GPC5: variants seen among roughly 807,000 people sequenced by gnomAD.
The protein encoded by GPC5 is glypican-5.
In GPC5, 47 loss-of-function variants were observed where a neutral mutation model predicts 53.9. The observed-to-expected ratio is 0.87, with a 90% CI of 0.69 to 1.11. The LOEUF is 1.11. Ranked by LOEUF, GPC5 falls within the 50% of genes most tolerant of loss-of-function variation. The pLI is 0.00. For synonymous variants in GPC5, 286 were observed against 263.3 expected, an observed-to-expected ratio of 1.09 and a Z score of -0.84; for missense variants, 748 against 713.1, an observed-to-expected ratio of 1.05 and a Z score of -0.56.
chr13:92,070,012 C>G (rs1215616834), intron 6 of GPC5, among the ~76,000 whole-genome samples: 1 of 152,144 alleles, frequency 6.6e-6, no homozygotes, highest in Non-Finnish European at 1.5e-5. Flanking sequence ...TGAGCCCAAT[C>G]TAATCACTAT....
At chr13:92,723,806 G>A (rs1423371679) in intron 7 of GPC5, among the ~76,000 whole-genome samples, 2 of 151,432 alleles carry the variant, frequency 1.3e-5, no homozygotes, top group African/African-American at 4.8e-5. Flanking sequence ...TAGGTCTTGA[G>A]GTCAGAATGC....
At chr13:92,612,637 A>T (rs926583261) in intron 7 of GPC5, among the ~76,000 whole-genome samples, 5 of 152,094 alleles carry the variant, frequency 3.3e-5, no homozygotes, top group Admixed American at 2.0e-4. Flanking sequence ...CAGGACTCTT[A>T]TGTTGTTCTC....
intron 5 of GPC5, among the ~76,000 whole-genome samples, chr13:91,836,497 T>C (rs755613373): frequency 3.9e-5 from 6 of 152,046 alleles, no homozygotes; most frequent in Non-Finnish European, 7.4e-5. Flanking sequence ...TGTTAATATT[T>C]CAATTATGAA....
intron 7 of GPC5, among the ~76,000 whole-genome samples, chr13:92,386,164 G>A (rs1030086110): frequency 5.3e-5 from 8 of 151,980 alleles, no homozygotes; most frequent in African/African-American, 1.7e-4. Context: ...CTGTAAAAAG[G>A]TATAGCATCC....
At chr13:92,179,430 A>C (rs1391769450) in intron 7 of GPC5, among the ~76,000 whole-genome samples, 1 of 152,190 alleles carries the variant, frequency 6.6e-6, no homozygotes, top group African/African-American at 2.4e-5. Flanking sequence ...GAGCTTACTC[A>C]TGAATTGTGT....
intron 7 of GPC5, among the ~76,000 whole-genome samples, chr13:92,521,510 A>G (rs1274265887): frequency 6.6e-6 from 1 of 152,228 alleles, no homozygotes; most frequent in Non-Finnish European, 1.5e-5. Flanking sequence ...AAACCTGACA[A>G]AAACAAGAAA....
At chr13:91,977,020 C>G (rs984714464) in intron 6 of GPC5, among the ~76,000 whole-genome samples, 3 of 150,034 alleles carry the variant, frequency 2.0e-5, no homozygotes, top group African/African-American at 4.9e-5. Flanking sequence ...GCCTGGATGA[C>G]AGAGCAAGAT....
rs553253466 is a variant in GPC5 at position 92,068,659 on chromosome 13, G to A, written c.1402-76171G>A. 4.0e-5 allele frequency among the ~76,000 whole-genome samples: 6 copies of A among 150,884 alleles called. No individual in the cohort carries two copies. In the South Asian group the frequency reaches 1.3e-3, roughly 31 times the overall value. Reference sequence around the variant, plus strand: ...AAATATTCCATTCTATTCCTAGTTTGCATATTAAAAAATATTTTCTGTATC... The same window carrying A: ...AAATATTCCATTCTATTCCTAGTTTACATATTAAAAAATATTTTCTGTATC... On this transcript the variant is annotated intron_variant, in intron 6 of 7. Coordinates refer to ENST00000377067, the MANE Select transcript of GPC5 (RefSeq NM_004466.6).
intron 7 of GPC5, among the ~76,000 whole-genome samples, chr13:92,850,540 A>T (rs1350418933): frequency 6.6e-6 from 1 of 152,196 alleles, no homozygotes; most frequent in Non-Finnish European, 1.5e-5. Context: ...TGGAGGCTGT[A>T]GTAAGCCGAT....
At chr13:92,189,891 T>C (rs779191256) in intron 7 of GPC5, among the ~76,000 whole-genome samples, 1 of 152,046 alleles carries the variant, frequency 6.6e-6, no homozygotes, top group Non-Finnish European at 1.5e-5. Context: ...CAACAGACAC[T>C]TCCAAAACTG....
At chr13:92,403,779 CA>C (rs1875667099) in intron 7 of GPC5, among the ~76,000 whole-genome samples, 1 of 152,122 alleles carries the variant, frequency 6.6e-6, no homozygotes, top group South Asian at 2.1e-4. Context: ...AGGTGTAATA[CA>C]AATGCTAATA....
intron 7 of GPC5, among the ~76,000 whole-genome samples, chr13:92,594,958 A>C (rs1326452091): frequency 1.3e-5 from 2 of 152,210 alleles, no homozygotes; most frequent in African/African-American, 4.8e-5. Context: ...TGTTTATGTG[A>C]AAACATATGG....
rs1388613570 is a variant in GPC5 at position 91,446,614 on chromosome 13, C to T, written c.164-2147C>T. Among the ~76,000 whole-genome samples, 5 of 152,116 alleles carry T rather than the reference C, an allele frequency of 3.3e-5. No homozygotes were observed. In the East Asian group the frequency reaches 9.6e-4, roughly 29 times the overall value. ...TTTCTTATGATGCCTGTTCTATTTA[C>T]AATAGGAGCCTGGGCTTTATATCAC... On this transcript the variant is annotated intron_variant, in intron 1 of 7. Transcript: ENST00000377067.
chr13:92,769,535 C>T (rs1875533748), intron 7 of GPC5, among the ~76,000 whole-genome samples: 1 of 151,884 alleles, frequency 6.6e-6, no homozygotes, highest in African/African-American at 2.4e-5. Context: ...CCCAAGAGTT[C>T]GAGACCAACC....
intron 2 of GPC5, among the ~76,000 whole-genome samples, chr13:91,681,162 C>T (rs1029144367): frequency 1.3e-5 from 2 of 151,974 alleles, no homozygotes; most frequent in Non-Finnish European, 2.9e-5. Context: ...TGAGAGCAAT[C>T]GGCTTGGAGT....
chr13:92,715,048 G>C (rs1421912894), intron 7 of GPC5, among the ~76,000 whole-genome samples: 1 of 152,160 alleles, frequency 6.6e-6, no homozygotes, highest in Non-Finnish European at 1.5e-5. Context: ...CTGGACGACA[G>C]AGCAAGACTT....
intron 7 of GPC5, among the ~76,000 whole-genome samples, chr13:92,258,390 C>T (rs1447332893): frequency 6.6e-6 from 1 of 152,128 alleles, no homozygotes; most frequent in Non-Finnish European, 1.5e-5. Flanking sequence ...ATAATACTTG[C>T]TATAATTACT....
At chr13:91,471,756 A>G (rs552557129) in intron 2 of GPC5, among the ~76,000 whole-genome samples, 7 of 151,508 alleles carry the variant, frequency 4.6e-5, no homozygotes, top group Admixed American at 3.9e-4. Flanking sequence ...TTCTCTTCCT[A>G]TTTTTGTTTC....
intron 7 of GPC5, among the ~76,000 whole-genome samples, chr13:92,357,040 G>C (rs1253723811): frequency 3.4e-5 from 5 of 148,122 alleles, no homozygotes; most frequent in African/African-American, 1.1e-4. Context: ...CTGCAAAGGA[G>C]TTGATCTTGT....
Sources: gnomAD v4.1 joint callset for allele counts (sites outside exome capture counted in the v4.1 genomes callset) on GRCh38, gnomAD v4.1.1 for gene constraint, MANE v1.5 for transcripts, NCBI Gene and HGNC (gene_info 2026-07-23, HGNC 2026-07-21) for gene names.